The following PHACTR3 variants were observed in gnomAD, a reference collection of about 807,000 sequenced individuals.
The protein encoded by PHACTR3 is protein phosphatase 1, regulatory subunit 123.
PHACTR3 carries 16 observed loss-of-function variants against 66.8 expected under a neutral mutation model. The ratio of observed to expected loss-of-function variants is 0.24; its 90% confidence interval spans 0.16 to 0.36. The LOEUF is 0.36. PHACTR3 is among the 10% of genes least tolerant of loss of function. The pLI, the probability that PHACTR3 is intolerant of heterozygous loss-of-function variation, is 1.00. For missense variants in PHACTR3, 647 were observed against 719.9 expected (o/e 0.90, Z 1.16); for synonymous variants, 323 against 292.1 (o/e 1.11, Z -1.08).
chr20:59,802,987 T>G (rs1002094039), intron 7 of PHACTR3, among the ~76,000 whole-genome samples: 4 of 152,136 alleles, frequency 2.6e-5, no homozygotes, highest in Non-Finnish European at 5.9e-5. Context: ...AAAAGGCCTT[T>G]TGCACTGGGT....
At chr20:59,729,333 C>T (rs1484669699) in intron 1 of PHACTR3, among the ~76,000 whole-genome samples, 1 of 152,102 alleles carries the variant, frequency 6.6e-6, no homozygotes, top group Non-Finnish European at 1.5e-5. Context: ...ACTGTGAGGG[C>T]AGGCACTGGG....
chr20:59,601,260 T>C (rs974482099), upstream of PHACTR3, among the ~76,000 whole-genome samples: 1 of 152,216 alleles, frequency 6.6e-6, no homozygotes, highest in Non-Finnish European at 1.5e-5. Context: ...TGCATAATGT[T>C]TTCCAGGTTC....
rs2033596322 is a variant in PHACTR3 at position 59,604,745 on chromosome 20, GA to G, written c.-268del. On this transcript the variant is annotated 5_prime_UTR_variant, in exon 1 of 13. An upstream open reading frame in the 5' UTR gains an earlier in-frame stop. Transcript: ENST00000371015. ...CCCTGGAATATAGACTGAAGAATGG[GA>G]ATAAACACGAATAAATAACAAAGCG... 8.9e-7 allele frequency: 1 copy of G among 1,122,802 alleles called. No individual in the cohort carries two copies. The highest frequency in any genetic ancestry group is 1.6e-5 in the African/African-American group (1 of 61,736). The allele number at this position is 1,122,802 out of a possible 1,614,324, so 69.6% of individuals were successfully genotyped here.
intron 1 of PHACTR3, among the ~76,000 whole-genome samples, chr20:59,721,711 C>T (rs968673804): frequency 7.2e-5 from 11 of 151,992 alleles, no homozygotes; most frequent in South Asian, 2.1e-4. Context: ...GACCAGATTG[C>T]GTGGGGAGGA....
At chr20:59,651,703 G>A (rs551002690) in intron 1 of PHACTR3, among the ~76,000 whole-genome samples, 1 of 152,246 alleles carries the variant, frequency 6.6e-6, no homozygotes, top group African/African-American at 2.4e-5. Context: ...CAGACAAAGG[G>A]GTATCGGAAG....
intron 7 of PHACTR3, among the ~76,000 whole-genome samples, chr20:59,783,927 C>T (rs1383316367): frequency 1.3e-5 from 2 of 152,358 alleles, no homozygotes; most frequent in South Asian, 2.1e-4. Flanking sequence ...GAACTGTATC[C>T]GTCTCCCTGG....
intron 8 of PHACTR3, among the ~76,000 whole-genome samples, chr20:59,811,324 C>T (rs2041730256): frequency 6.6e-6 from 1 of 152,128 alleles, no homozygotes; most frequent in Non-Finnish European, 1.5e-5. Context: ...GGCAATGCAC[C>T]AGGTGTCTCG....
At chr20:59,580,903 C>G (rs2032837290) in intron 1 of PHACTR3, among the ~76,000 whole-genome samples, 1 of 152,228 alleles carries the variant, frequency 6.6e-6, no homozygotes, top group Non-Finnish European at 1.5e-5. Context: ...ATTCAGGAAA[C>G]TGGGCGTCTG....
At chr20:59,722,696 T>C (rs1601188821) in intron 1 of PHACTR3, among the ~76,000 whole-genome samples, 1 of 152,084 alleles carries the variant, frequency 6.6e-6, no homozygotes, top group East Asian at 1.9e-4. Context: ...GGGGACACTC[T>C]TGCCATCATG....
chr20:59,743,213 C>G lies in PHACTR3; in HGVS notation c.225C>G (p.Phe75Leu). The G allele has an allele frequency of 6.2e-7, 1 of 1,614,160 alleles. No homozygotes were observed. Among genetic ancestry groups the G allele is most frequent in the Non-Finnish European group, 8.5e-7 (1 of 1,179,998 alleles). The change falls in exon 2 of 13, where the codon TTC becomes TTG. Residue 75 changes from phenylalanine to leucine, a missense_variant. By Grantham distance (22) the Phe-to-Leu change is conservative (BLOSUM62 0). This residue lies in a region of PHACTR3 where 577 missense variants were observed against 571.1 expected (regional missense o/e 1.01). Transcript: ENST00000371015. ...AACTGGCCACCCTGGGCAGGATCTT[C>G]AAACCCTGGAAATGGAGGAAAAAGA... ...NSKLATLGRI[F>L]KPWKWRKKKN...
chr20:59,580,401 C>T (rs968397316), intron 1 of PHACTR3, among the ~76,000 whole-genome samples: 25 of 152,176 alleles, frequency 1.6e-4, no homozygotes, highest in Admixed American at 9.2e-4. Context: ...GGCTACTTCC[C>T]GGAGCTTGCT....
At chr20:59,792,901 T>A (rs2041145106) in intron 7 of PHACTR3, among the ~76,000 whole-genome samples, 1 of 152,186 alleles carries the variant, frequency 6.6e-6, no homozygotes. Flanking sequence ...TTTATTTTTT[T>A]AGAGACAGGG....
At chr20:59,586,232 C>G (rs1291978556) in intron 1 of PHACTR3, among the ~76,000 whole-genome samples, 1 of 152,194 alleles carries the variant, frequency 6.6e-6, no homozygotes, top group Non-Finnish European at 1.5e-5. Context: ...AGTTCATTGC[C>G]ACTCCCCCAG....
chr20:59,708,716 A>G (rs1221442750), intron 1 of PHACTR3, among the ~76,000 whole-genome samples: 3 of 152,210 alleles, frequency 2.0e-5, no homozygotes, highest in Non-Finnish European at 1.5e-5. Context: ...CATTATCTTT[A>G]CATCGTGTTT....
intron 8 of PHACTR3, among the ~76,000 whole-genome samples, chr20:59,810,494 G>A (rs1234935037): frequency 6.6e-6 from 1 of 152,196 alleles, no homozygotes; most frequent in African/African-American, 2.4e-5. Flanking sequence ...GGCTTAATTG[G>A]TCTCCCTTTG....
At chr20:59,675,889 T>C (rs2036433839) in intron 1 of PHACTR3, among the ~76,000 whole-genome samples, 1 of 152,232 alleles carries the variant, frequency 6.6e-6, no homozygotes, top group Non-Finnish European at 1.5e-5. Context: ...CAGCAGGTGT[T>C]GGTGCTACAG....
intron 8 of PHACTR3, among the ~76,000 whole-genome samples, chr20:59,807,911 C>T (rs1007285896): frequency 8.5e-5 from 13 of 152,214 alleles, no homozygotes; most frequent in African/African-American, 2.9e-4. Flanking sequence ...ACCCATCTGC[C>T]GTCTGGCTGT....
upstream of PHACTR3, among the ~76,000 whole-genome samples, chr20:59,601,554 C>T (rs2033478693): frequency 6.6e-6 from 1 of 152,220 alleles, no homozygotes. Flanking sequence ...CTCCTCCAAA[C>T]AGGTGCCTTT....
chr20:59,834,220 C>T (rs750281144), intron 8 of PHACTR3, among the ~76,000 whole-genome samples: 6 of 152,276 alleles, frequency 3.9e-5, no homozygotes, highest in South Asian at 2.1e-4. Context: ...TTCTATTGCT[C>T]TAAAAGTGCC....
Sources: gnomAD v4.1 joint callset for allele counts (sites outside exome capture counted in the v4.1 genomes callset) on GRCh38, gnomAD v4.1.1 for gene constraint, gnomAD v4.1.1 regional missense constraint, MANE v1.5 for transcripts, NCBI Gene and HGNC (gene_info 2026-07-23, HGNC 2026-07-21) for gene names.